Variants in PDK1 observed in about 807,000 individuals in gnomAD.
PDK1 encodes pyruvate dehydrogenase kinase 1, also known as [Pyruvate dehydrogenase (acetyl-transferring)] kinase isozyme 1, mitochondrial.
A neutral mutation model predicts 54.2 loss-of-function variants in PDK1; 39 were observed. That is an observed-to-expected ratio of 0.72 (90% CI 0.56 to 0.94). PDK1 has a LOEUF of 0.94. Among genes scored for constraint, PDK1 ranks in the 40% least tolerant of loss-of-function variants. PDK1 has a pLI of 0.00. For missense variants in PDK1, 552 were observed against 566.0 expected (o/e 0.98, Z 0.25); for synonymous variants, 221 against 207.1 (o/e 1.07, Z -0.58).
In PDK1 at chr2:172,599,368, C is replaced by T. The variant is rs777311823; in HGVS notation, c.*3399C>T. The stretch of plus-strand genomic sequence containing the variant: ...TGGGAAAACTGTTAGTTTTAAGGTC[C>T]CACTGTTGCTCTGTGAATGACTAAT... On this transcript the variant is annotated 3_prime_UTR_variant, in exon 11 of 11. Transcript: ENST00000282077. 2.0e-5 allele frequency: 3 copies of T among 152,000 alleles called. No individual in the cohort carries two copies. The highest frequency in any genetic ancestry group is 4.8e-5 in the African/African-American group (2 of 41,358). 9.4% of individuals were successfully genotyped at this position (152,000 alleles called of 1,614,324 possible). A position where few individuals can be genotyped will look rare whatever the true frequency, so the allele number is the denominator to read the frequency against.
the PDK1 span, among the ~76,000 whole-genome samples, chr2:172,638,130 T>C: frequency 6.6e-6 from 1 of 152,220 alleles, no homozygotes; most frequent in African/African-American, 2.4e-5. Context: ...AAGCAACTGG[T>C]GATCAACCAA....
At chr2:172,713,421 G>A in the PDK1 span, among the ~76,000 whole-genome samples, 2 of 152,320 alleles carry the variant, frequency 1.3e-5, no homozygotes, top group African/African-American at 4.8e-5. Context: ...TGTTCATGGT[G>A]CCCAGGCTGT....
chr2:172,635,516 A>G, the PDK1 span, among the ~76,000 whole-genome samples: 2 of 152,190 alleles, frequency 1.3e-5, no homozygotes, highest in African/African-American at 4.8e-5. Context: ...AGTTTTTGCC[A>G]TGTTAGCCAG....
chr2:172,671,914 G>T, the PDK1 span, among the ~76,000 whole-genome samples: 2 of 152,146 alleles, frequency 1.3e-5, no homozygotes, highest in African/African-American at 4.8e-5. Context: ...TTTGGAGAAA[G>T]ATGAATTCTC....
chr2:172,663,082 GCAGAAATGTATT>G, the PDK1 span, among the ~76,000 whole-genome samples: 1 of 152,210 alleles, frequency 6.6e-6, no homozygotes, highest in African/African-American at 2.4e-5. Context: ...GGTTTCAACA[GCAGAAATGTATT>G]TCCTCACCAT....
chr2:172,685,113 TC>T, the PDK1 span, among the ~76,000 whole-genome samples: 27 of 152,292 alleles, frequency 1.8e-4, no homozygotes, highest in Middle Eastern at 3.4e-3. Flanking sequence ...TCCCAAGGCC[TC>T]CCCTGCCATG....
the PDK1 span, among the ~76,000 whole-genome samples, chr2:172,668,278 A>AT: frequency 0.034 from 4,843 of 141,462 alleles, 192 homozygotes; most frequent in African/African-American, 0.097. Context: ...TTCTTTCTTT[A>AT]TTTTTTTTTT....
chr2:172,626,660 A>G, the PDK1 span, among the ~76,000 whole-genome samples: 157 of 152,136 alleles, frequency 1.0e-3, 2 homozygotes, highest in Non-Finnish European at 2.8e-4. Flanking sequence ...CCAGTGTGGT[A>G]GTGCATTCCT....
At chr2:172,709,371 C>T in the PDK1 span, among the ~76,000 whole-genome samples, 1 of 152,074 alleles carries the variant, frequency 6.6e-6, no homozygotes, top group South Asian at 2.1e-4. Flanking sequence ...CAAAGTCATC[C>T]CTGAGTGCTA....
At chr2:172,680,153 T>C in the PDK1 span, among the ~76,000 whole-genome samples, 17,683 of 152,184 alleles carry the variant, frequency 0.12, 2,563 homozygotes, top group East Asian at 0.76. Context: ...CTTCCTTGCA[T>C]GCTCTGTCAC....
intron 8 of PDK1, among the ~76,000 whole-genome samples, chr2:172,584,386 T>C (rs1053679366): frequency 6.6e-6 from 1 of 151,654 alleles, no homozygotes. Context: ...TTTTTTTGTT[T>C]GTTGGTTGGT....
At chr2:172,585,784 GT>G (rs1348533448) in intron 8 of PDK1, among the ~76,000 whole-genome samples, 1 of 152,102 alleles carries the variant, frequency 6.6e-6, no homozygotes, top group East Asian at 1.9e-4. Flanking sequence ...ATGTATTAGA[GT>G]TTCACATATT....
chr2:172,697,084 A>C, the PDK1 span, among the ~76,000 whole-genome samples: 1 of 152,092 alleles, frequency 6.6e-6, no homozygotes, highest in Non-Finnish European at 1.5e-5. Flanking sequence ...GTTTGAGAGC[A>C]TATTTCCCAA....
chr2:172,699,934 C>T, the PDK1 span, among the ~76,000 whole-genome samples: 1 of 152,046 alleles, frequency 6.6e-6, no homozygotes, highest in Non-Finnish European at 1.5e-5. Context: ...CCCTGGGTAC[C>T]TCAGATTAGA....
the PDK1 span, among the ~76,000 whole-genome samples, chr2:172,655,929 T>C: frequency 6.6e-6 from 1 of 152,224 alleles, no homozygotes; most frequent in Non-Finnish European, 1.5e-5. Flanking sequence ...TGTTTTTGAC[T>C]CAAATCTAGC....
the PDK1 span, among the ~76,000 whole-genome samples, chr2:172,711,943 A>G: frequency 6.6e-6 from 1 of 150,996 alleles, no homozygotes; most frequent in African/African-American, 2.4e-5. Flanking sequence ...ACATTTAGGA[A>G]TATGTTCTTA....
chr2:172,695,495 A>T, the PDK1 span, among the ~76,000 whole-genome samples: 2 of 152,124 alleles, frequency 1.3e-5, no homozygotes, highest in African/African-American at 4.8e-5. Flanking sequence ...TGGTGGACAG[A>T]CTCTAAACTC....
chr2:172,626,943 A>G, the PDK1 span, among the ~76,000 whole-genome samples: 1 of 152,158 alleles, frequency 6.6e-6, no homozygotes, highest in Non-Finnish European at 1.5e-5. Context: ...AACACTTATG[A>G]AAGACATACA....
At chr2:172,628,289 T>A in the PDK1 span, among the ~76,000 whole-genome samples, 1 of 152,352 alleles carries the variant, frequency 6.6e-6, no homozygotes, top group South Asian at 2.1e-4. Flanking sequence ...GCCCTGCCAA[T>A]AAAACACTTT....
Sources: allele counts gnomAD v4.1 joint callset (sites outside exome capture counted in the v4.1 genomes callset), GRCh38; gene constraint gnomAD v4.1.1; transcripts MANE v1.5; gene names NCBI Gene and HGNC (gene_info 2026-07-23, HGNC 2026-07-21).